The following NUP155 variants were observed in gnomAD, a reference collection of about 807,000 sequenced individuals.
The protein encoded by NUP155 is nuclear pore complex protein Nup155.
NUP155 carries 71 observed loss-of-function variants against 180.4 expected under a neutral mutation model. The observed-to-expected ratio is 0.39, with a 90% confidence interval of 0.33 to 0.48. The LOEUF (loss-of-function observed/expected upper bound fraction) is 0.48, where lower values mean the gene tolerates loss of function less well. Ranked by LOEUF, NUP155 falls within the 20% of genes least tolerant of loss-of-function variation. The probability of loss-of-function intolerance (pLI) is 0.91; values close to 1 mark genes in which losing one functional copy is unlikely to be tolerated. For missense variants in NUP155, 1,553 were observed against 1,648.9 expected, an observed-to-expected ratio of 0.94 and a Z score of 1.01; for synonymous variants, 582 against 559.5, an observed-to-expected ratio of 1.04 and a Z score of -0.57.
At chr5:37,364,995 G>T (rs1207414285) in intron 1 of NUP155, among the ~76,000 whole-genome samples, 1 of 151,830 alleles carries the variant, frequency 6.6e-6, no homozygotes, top group Admixed American at 6.6e-5. Flanking sequence ...TGGGCGCAGT[G>T]GCTCAAGCCT....
chr5:37,370,706 A>G (rs1011936700), intron 1 of NUP155, 115 bp downstream of exon 1: 3 of 1,610,894 alleles, frequency 1.9e-6, no homozygotes, highest in Non-Finnish European at 2.5e-6. Flanking sequence ...AATGCAGCCA[A>G]CAGTGCCATA....
At position 37,291,536 on chromosome 5, in the gene NUP155, C is replaced by A; in HGVS notation, c.*364G>T. ...GGGATTACAGGTGTAAGTCACTGTGCCTGGCCGCCTAGTGGAGTTTTAATG... is the reference window on the plus strand; with the variant it reads ...GGGATTACAGGTGTAAGTCACTGTGACTGGCCGCCTAGTGGAGTTTTAATG... On this transcript the variant is annotated 3_prime_UTR_variant, in exon 35 of 35. Coordinates refer to ENST00000231498, the MANE Select transcript of NUP155 (RefSeq NM_153485.3). The A allele has an allele frequency of 4.9e-6, 1 of 203,716 alleles. No homozygotes were observed. The highest frequency in any genetic ancestry group is 1.0e-5 in the Non-Finnish European group (1 of 100,204). The allele number at this position is 203,716 out of a possible 1,614,324, so 12.6% of individuals were successfully genotyped here.
chr5:37,303,496 AG>A, intron 27 of NUP155, 82 bp from the exon 28 acceptor site: 1 of 1,163,422 alleles, frequency 8.6e-7, no homozygotes, highest in Non-Finnish European at 1.3e-6. Flanking sequence ...AGTATTTTTA[AG>A]TCAACTACAA....
chr5:37,305,995 T>A (rs866156975), intron 25 of NUP155, among the ~76,000 whole-genome samples: 1 of 152,222 alleles, frequency 6.6e-6, no homozygotes, highest in Non-Finnish European at 1.5e-5. Flanking sequence ...TAGATGTACA[T>A]ATTTGGCATT....
Position 37,323,969 on chromosome 5 carries a change from T to G in NUP155, c.2207+23A>C, listed in dbSNP as rs757184306. ...ATACAACGAAAAGAAAAAGATGAAT[T>G]AATAAACCCTATTTATTCTTACTTT... On this transcript the variant is annotated intron_variant, in intron 20 of 34. Coordinates refer to ENST00000231498, the MANE Select transcript of NUP155 (RefSeq NM_153485.3). 2.6e-5 allele frequency: 37 copies of G among 1,411,450 alleles called. 1 individual carries two copies. The highest frequency in any genetic ancestry group is 3.7e-5 in the Non-Finnish European group (37 of 995,798). 87.4% of individuals were successfully genotyped at this position (1,411,450 alleles called of 1,614,324 possible). A position where few individuals can be genotyped will look rare whatever the true frequency, so the allele number is the denominator to read the frequency against.
chr5:37,370,485 A>G (rs1178635286), intron 1 of NUP155, among the ~76,000 whole-genome samples: 1 of 152,238 alleles, frequency 6.6e-6, no homozygotes, highest in Non-Finnish European at 1.5e-5. Flanking sequence ...AGGAGAAATG[A>G]ACAAATTTGG....
rs1161212881 is a variant in NUP155, at chr5:37,288,508, T to A, written c.*3392A>T. On this transcript the variant is annotated 3_prime_UTR_variant, in exon 35 of 35. Coordinates refer to ENST00000231498, the MANE Select transcript of NUP155 (RefSeq NM_153485.3). ...TACAATGATCTAGTTAAAATACAAA[T>A]TTCACAACTTCAATGATTCTTCACT... The A allele has an allele frequency of 6.6e-6, 1 of 152,120 alleles. No individual in the cohort carries two copies. Among genetic ancestry groups the A allele is most frequent in the Admixed American group, 6.6e-5 (1 of 15,254 alleles). 9.4% of individuals were successfully genotyped at this position (152,120 alleles called of 1,614,324 possible).
intron 30 of NUP155, 81 bp downstream of exon 30, chr5:37,301,356 T>G: frequency 1.2e-6 from 1 of 864,350 alleles, no homozygotes; most frequent in Non-Finnish European, 1.9e-6. Flanking sequence ...ATTTTCCCCA[T>G]GAAACAAAAA....
intron 1 of NUP155, among the ~76,000 whole-genome samples, chr5:37,368,278 G>A (rs535657987): frequency 3.5e-5 from 5 of 141,166 alleles, no homozygotes; most frequent in South Asian, 2.3e-4. Context: ...GGAGTGCAGC[G>A]GCGCAATCAC....
intron 11 of NUP155, among the ~76,000 whole-genome samples, chr5:37,340,440 C>A (rs1382042522): frequency 6.7e-6 from 1 of 148,408 alleles, no homozygotes; most frequent in African/African-American, 2.5e-5. Flanking sequence ...GCCAGACCAC[C>A]TCAAAAAAAA....
intron 31 of NUP155, 152 bp from the exon 32 acceptor site, chr5:37,299,130 T>C (rs1040659033): frequency 5.8e-6 from 4 of 690,186 alleles, no homozygotes; most frequent in Non-Finnish European, 1.0e-5. Flanking sequence ...TGTTATTGTC[T>C]GAGATACTCT....
rs551431145 is a variant in NUP155 at position 37,290,599 on chromosome 5, G to C, written c.*1301C>G. On this transcript the variant is annotated 3_prime_UTR_variant, in exon 35 of 35. Coordinates refer to ENST00000231498, the MANE Select transcript of NUP155 (RefSeq NM_153485.3). Reference sequence around the variant, plus strand: ...GGTTTGGTTATTCTATTTTGTTAAGGAATAATTAAAAAGTACATTACTAAC... The same window carrying C: ...GGTTTGGTTATTCTATTTTGTTAAGCAATAATTAAAAAGTACATTACTAAC... 6.6e-6 allele frequency: 1 copy of C among 152,168 alleles called. No homozygotes were observed. Among genetic ancestry groups the C allele is most frequent in the South Asian group, 2.1e-4 (1 of 4,822 alleles). 9.4% of individuals were successfully genotyped at this position (152,168 alleles called of 1,614,324 possible).
intron 9 of NUP155, among the ~76,000 whole-genome samples, chr5:37,345,170 G>C (rs550079856): frequency 6.6e-6 from 1 of 151,898 alleles, no homozygotes; most frequent in African/African-American, 2.4e-5. Flanking sequence ...AAAGATTTTG[G>C]GGACTACTGG....
chr5:37,341,336 C>T, intron 10 of NUP155, 94 bp from the exon 11 acceptor site: 1 of 1,020,592 alleles, frequency 9.8e-7, no homozygotes, highest in Non-Finnish European at 1.5e-6. Context: ...ATGCAACACT[C>T]TGCTAAAACC....
intron 19 of NUP155, among the ~76,000 whole-genome samples, chr5:37,324,962 T>G (rs1369306857): frequency 6.6e-6 from 1 of 152,144 alleles, no homozygotes; most frequent in East Asian, 1.9e-4. Flanking sequence ...CCAGCCTGGC[T>G]AACATAGTAA....
chr5:37,292,026 T>G lies in NUP155; in HGVS notation c.4050A>C (p.Thr1350=). ...CACAAACAGCATCCAGGCAGAGATT[T>G]GTAAATCTTCTCCTACAACGAAAAA... The part of the protein sequence containing the change: ...QVLNCERRRF[T]NLCLDAVCGY... Residue 1350 remains threonine (T), a synonymous_variant, in exon 35 of 35, where the codon ACA becomes ACC. Transcript: ENST00000231498. The G allele has an allele frequency of 1.2e-6, 2 of 1,614,162 alleles. No individual in the cohort carries two copies. The highest frequency in any genetic ancestry group is 1.7e-6 in the Non-Finnish European group (2 of 1,179,986).
intron 29 of NUP155, 74 bp downstream of exon 29, chr5:37,302,705 G>A: frequency 6.7e-7 from 1 of 1,484,472 alleles, no homozygotes; most frequent in Non-Finnish European, 9.4e-7. Flanking sequence ...TACTTACCAA[G>A]GGAAGAATGG....
chr5:37,317,847 C>T (rs546122497), intron 21 of NUP155, 141 bp downstream of exon 21: 19 of 679,914 alleles, frequency 2.8e-5, no homozygotes, highest in African/African-American at 8.8e-5. Context: ...GCCACCACCC[C>T]GGACCCAATT....
rs1742562598 is a variant in NUP155 at position 37,296,264 on chromosome 5, A to C, written c.3794-1799T>G. Among the ~76,000 whole-genome samples the C allele has an allele frequency of 1.3e-5, 2 of 152,156 alleles. 1 individual carries two copies. Among genetic ancestry groups the C allele is most frequent in the African/African-American group, 4.8e-5 (2 of 41,440 alleles). ...GGAAAGGTGGGGAAAAGATTGAGAA[A>C]TCGGATGGTTGCCGTGTCTGTATAG... On this transcript the variant is annotated intron_variant, in intron 32 of 34. Transcript: ENST00000231498.
Sources: allele counts gnomAD v4.1 joint callset (sites outside exome capture counted in the v4.1 genomes callset), GRCh38; gene constraint gnomAD v4.1.1; transcripts MANE v1.5; gene names NCBI Gene and HGNC (gene_info 2026-07-23, HGNC 2026-07-21).